Variants in NDUFAF2 observed in about 807,000 individuals in gnomAD.
NDUFAF2 encodes the protein NADH:ubiquinone oxidoreductase complex assembly factor 2.
A neutral mutation model predicts 22.8 loss-of-function variants in NDUFAF2; 13 were observed. The observed-to-expected ratio is 0.57, with a 90% CI of 0.37 to 0.91. The LOEUF is 0.91. Among genes scored for constraint, NDUFAF2 ranks in the 40% least tolerant of loss-of-function variants. The pLI is 0.01. For synonymous variants in NDUFAF2, 53 were observed against 64.2 expected, an observed-to-expected ratio of 0.83 and a Z score of 0.84; for missense variants, 162 against 195.2, an observed-to-expected ratio of 0.83 and a Z score of 1.01.
chr5:61,046,006 G>C (rs1751950072), intron 1 of NDUFAF2, among the ~76,000 whole-genome samples: 2 of 152,042 alleles, frequency 1.3e-5, no homozygotes, highest in Admixed American at 1.3e-4. Flanking sequence ...CTAATTTGTT[G>C]AGAGTTTTTA....
chr5:61,140,431 C>T (rs556492523), intron 3 of NDUFAF2, among the ~76,000 whole-genome samples: 14 of 152,254 alleles, frequency 9.2e-5, no homozygotes, highest in Admixed American at 3.9e-4. Flanking sequence ...CCAGAGTCAT[C>T]TTTTTTAAAA....
At chr5:61,056,926 ATATAT>A (rs1561553154) in intron 1 of NDUFAF2, among the ~76,000 whole-genome samples, 37 of 30,686 alleles carry the variant, frequency 1.2e-3, no homozygotes, top group Admixed American at 2.2e-3. Context: ...AAAAATATAT[ATATAT>A]ATATATATAT....
chr5:61,090,251 G>A (rs1752550660), intron 2 of NDUFAF2, among the ~76,000 whole-genome samples: 1 of 151,970 alleles, frequency 6.6e-6, no homozygotes, highest in African/African-American at 2.4e-5. Context: ...GGTCCGGATG[G>A]TAAATATTTT....
intron 3 of NDUFAF2, among the ~76,000 whole-genome samples, chr5:61,119,898 C>T (rs1027533744): frequency 5.3e-5 from 8 of 152,068 alleles, no homozygotes; most frequent in African/African-American, 1.9e-4. Flanking sequence ...TTTAATATAA[C>T]AGTACATTTA....
intron 3 of NDUFAF2, among the ~76,000 whole-genome samples, chr5:61,107,742 T>C (rs1752785931): frequency 2.0e-5 from 3 of 150,434 alleles, no homozygotes; most frequent in Non-Finnish European, 2.9e-5. Flanking sequence ...TGTATACACG[T>C]GCCATGCTGG....
intron 1 of NDUFAF2, among the ~76,000 whole-genome samples, chr5:60,997,066 C>G (rs1268124078): frequency 6.6e-6 from 1 of 152,170 alleles, no homozygotes; most frequent in African/African-American, 2.4e-5. Context: ...CCCTCTGTCT[C>G]ACCTGTTTTT....
chr5:61,008,183 A>G (rs1458440450), intron 1 of NDUFAF2, among the ~76,000 whole-genome samples: 1 of 150,184 alleles, frequency 6.7e-6, no homozygotes, highest in African/African-American at 2.4e-5. Flanking sequence ...GGATAGCTTT[A>G]GGAGATATAC....
intron 1 of NDUFAF2, among the ~76,000 whole-genome samples, chr5:60,948,436 ACTC>A (rs1383746439): frequency 2.0e-5 from 3 of 150,704 alleles, no homozygotes; most frequent in Non-Finnish European, 1.5e-5. Flanking sequence ...CTGGTCTTGA[ACTC>A]CTGGCTTTGT....
chr5:61,131,220 G>A (rs1191939817), intron 3 of NDUFAF2, among the ~76,000 whole-genome samples: 1 of 148,768 alleles, frequency 6.7e-6, no homozygotes, highest in African/African-American at 2.5e-5. Flanking sequence ...TTTTGAGGCA[G>A]GGTCTCACTT....
intron 1 of NDUFAF2, among the ~76,000 whole-genome samples, chr5:60,973,302 A>T (rs781580104): frequency 3.2e-4 from 48 of 152,038 alleles, no homozygotes; most frequent in Non-Finnish European, 6.5e-4. Flanking sequence ...TCATGCTTGG[A>T]TGTAACATCC....
rs184588133 is a variant in NDUFAF2 at position 61,084,709 on chromosome 5, T to G, written c.217+11495T>G. Among the ~76,000 whole-genome samples, 20 of 152,308 alleles carry G rather than the reference T, an allele frequency of 1.3e-4. No homozygotes were observed. The East Asian group carries it at 3.1e-3, about 23-fold the overall frequency. The stretch of plus-strand genomic sequence containing the variant: ...CATTGTATATAGATACCACATGTTG[T>G]TTATCCATTCATCGAATGATGGACA... On this transcript the variant is annotated intron_variant, in intron 2 of 3. Coordinates refer to ENST00000296597, the MANE Select transcript of NDUFAF2 (RefSeq NM_174889.5).
intron 2 of NDUFAF2, among the ~76,000 whole-genome samples, chr5:61,092,610 T>G (rs1424166495): frequency 6.6e-6 from 1 of 152,166 alleles, no homozygotes; most frequent in Non-Finnish European, 1.5e-5. Context: ...GCTTTTGGGC[T>G]GAGGCAGTGG....
chr5:60,959,753 C>T (rs1423897428), intron 1 of NDUFAF2, among the ~76,000 whole-genome samples: 1 of 152,028 alleles, frequency 6.6e-6, no homozygotes, highest in Non-Finnish European at 1.5e-5. Context: ...CAGGTTGTCT[C>T]AGAGTTGTTT....
At chr5:61,010,520 T>G (rs1751430326) in intron 1 of NDUFAF2, among the ~76,000 whole-genome samples, 1 of 152,112 alleles carries the variant, frequency 6.6e-6, no homozygotes, top group Non-Finnish European at 1.5e-5. Flanking sequence ...ATCTCTCATT[T>G]AAATACATCT....
chr5:61,087,226 A>G (rs1183596908), intron 2 of NDUFAF2, among the ~76,000 whole-genome samples: 2 of 152,184 alleles, frequency 1.3e-5, no homozygotes, highest in Non-Finnish European at 2.9e-5. Flanking sequence ...CACATTGAGA[A>G]GATGGCTGCC....
chr5:60,946,167 T>C (rs1750450375), intron 1 of NDUFAF2, among the ~76,000 whole-genome samples: 1 of 152,174 alleles, frequency 6.6e-6, no homozygotes, highest in Admixed American at 6.5e-5. Flanking sequence ...TAACCTCTTC[T>C]GTGTTGTTCC....
At chr5:61,058,308 G>T (rs767407082) in intron 1 of NDUFAF2, among the ~76,000 whole-genome samples, 3 of 151,696 alleles carry the variant, frequency 2.0e-5, no homozygotes, top group African/African-American at 4.8e-5. Context: ...TATATTGAAA[G>T]CCCTAGTGTT....
chr5:60,966,379 C>A (rs930680772), intron 1 of NDUFAF2, among the ~76,000 whole-genome samples: 8 of 151,922 alleles, frequency 5.3e-5, no homozygotes, highest in Admixed American at 5.2e-4. Context: ...AGAGGTAATC[C>A]CACTTGTTTA....
intron 1 of NDUFAF2, among the ~76,000 whole-genome samples, chr5:60,952,610 C>G (rs1750563238): frequency 6.6e-6 from 1 of 151,928 alleles, no homozygotes; most frequent in African/African-American, 2.4e-5. Context: ...GAGTATGGTG[C>G]AATTTGGTAA....
Sources: allele counts gnomAD v4.1 joint callset (sites outside exome capture counted in the v4.1 genomes callset), GRCh38; gene constraint gnomAD v4.1.1; transcripts MANE v1.5; gene names NCBI Gene and HGNC (gene_info 2026-07-23, HGNC 2026-07-21).